Variants in SP4 observed in about 807,000 individuals in gnomAD.
The protein encoded by SP4 is Sp4 transcription factor.
Under a neutral mutation model 72.8 loss-of-function variants are expected in SP4, and 19 were observed. That is an observed-to-expected ratio of 0.26 (90% CI 0.18 to 0.38). SP4 has a LOEUF of 0.38. SP4 is among the 10% of genes least tolerant of loss of function. SP4 has a pLI of 1.00. For missense variants in SP4, 1,008 were observed against 926.3 expected, an observed-to-expected ratio of 1.09 and a Z score of -1.14; for synonymous variants, 395 against 333.1, an observed-to-expected ratio of 1.19 and a Z score of -2.02.
Position 21,488,542 on chromosome 7 carries a change from G to T in SP4, c.2107+6419G>T, listed in dbSNP as rs1023217079. 2.0e-5 allele frequency among the ~76,000 whole-genome samples: 3 copies of T among 148,058 alleles called. No homozygotes were observed. In the Admixed American group the frequency reaches 2.0e-4, roughly 10 times the overall value. ...TATGCCTTTACTATTATTTTAATGG[G>T]TGTCTCAGTGGGGAGAATAAACAAA... On this transcript the variant is annotated intron_variant, in intron 5 of 5. Transcript: ENST00000222584.
intron 3 of SP4, among the ~76,000 whole-genome samples, chr7:21,455,402 A>T (rs1336811466): frequency 6.6e-6 from 1 of 152,196 alleles, no homozygotes; most frequent in African/African-American, 2.4e-5. Flanking sequence ...TTGAGGATGC[A>T]TCCATGGGGC....
chr7:21,489,409 C>T (rs992907117), intron 5 of SP4, among the ~76,000 whole-genome samples: 1 of 151,946 alleles, frequency 6.6e-6, no homozygotes, highest in Non-Finnish European at 1.5e-5. Flanking sequence ...CAGCCTTGAC[C>T]TCCTGGGCTC....
intron 3 of SP4, among the ~76,000 whole-genome samples, chr7:21,439,637 C>G (rs1783171712): frequency 6.6e-6 from 1 of 151,910 alleles, no homozygotes; most frequent in Admixed American, 6.6e-5. Flanking sequence ...ATCCTGGAAT[C>G]TCAGTACTTT....
intron 5 of SP4, among the ~76,000 whole-genome samples, chr7:21,486,019 A>G (rs1318089586): frequency 2.0e-5 from 3 of 152,012 alleles, no homozygotes; most frequent in African/African-American, 7.2e-5. Context: ...GCTTGGGGAA[A>G]TAAATTTGTC....
At chr7:21,428,844 G>A in intron 2 of SP4, 52 bp downstream of exon 2, 1 of 1,356,766 alleles carries the variant, frequency 7.4e-7, no homozygotes, top group Non-Finnish European at 1.0e-6. Context: ...GGAGAGAGAG[G>A]GAGTTATGCC....
At chr7:21,459,605 T>A (rs1015429876) in intron 3 of SP4, among the ~76,000 whole-genome samples, 7 of 152,250 alleles carry the variant, frequency 4.6e-5, no homozygotes, top group Admixed American at 3.9e-4. Context: ...AAGAATCGTT[T>A]GATGATCACT....
intron 3 of SP4, among the ~76,000 whole-genome samples, chr7:21,439,795 G>T (rs1233390598): frequency 3.3e-5 from 5 of 152,150 alleles, no homozygotes; most frequent in Non-Finnish European, 5.9e-5. Flanking sequence ...CCACTCAGGT[G>T]GCTGAGGCAG....
At chr7:21,479,447 A>G (rs539788506) in intron 4 of SP4, among the ~76,000 whole-genome samples, 27 of 152,192 alleles carry the variant, frequency 1.8e-4, no homozygotes, top group Non-Finnish European at 3.4e-4. Flanking sequence ...ACCATAGAAC[A>G]TGGATTTATT....
intron 3 of SP4, chr7:21,471,032 G>A (rs1355977640): frequency 3.7e-6 from 2 of 534,300 alleles, no homozygotes; most frequent in Non-Finnish European, 7.7e-6. Flanking sequence ...GGTTTGGGGT[G>A]GGAGAATGTG....
intron 5 of SP4, among the ~76,000 whole-genome samples, chr7:21,490,435 GAACTAGA>G (rs1784945282): frequency 6.6e-6 from 1 of 152,162 alleles, no homozygotes; most frequent in South Asian, 2.1e-4. Flanking sequence ...CTGGCTAGGG[GAACTAGA>G]AAATAGAGTC....
chr7:21,482,132 A>T lies in SP4; in HGVS notation c.2107+9A>T, dbSNP rs921070730. 1 of 1,600,790 alleles carries T rather than the reference A, an allele frequency of 6.2e-7. No individual in the cohort carries two copies. Among genetic ancestry groups the T allele is most frequent in the Non-Finnish European group, 8.5e-7 (1 of 1,170,634 alleles). ...TAGAAGAACCCATACAGGTTAGTTG[A>T]TTTTAGGACTTGTACTTTTTACTTA... On this transcript the variant is annotated intron_variant, in intron 5 of 5. Coordinates refer to ENST00000222584, the MANE Select transcript of SP4 (RefSeq NM_003112.5).
In SP4 at chr7:21,428,141, C is replaced by T; in HGVS notation, c.-111C>T. On this transcript the variant is annotated 5_prime_UTR_variant, in exon 1 of 6. Transcript: ENST00000222584. Reference sequence around the variant, plus strand: ...GCAGAGCCTGTGCCAGCTACAGCCTCCTCCGAGCCACCGCGGGCGGGCGGG... The same window carrying T: ...GCAGAGCCTGTGCCAGCTACAGCCTTCTCCGAGCCACCGCGGGCGGGCGGG... The T allele has an allele frequency of 1.4e-6, 1 of 726,306 alleles. No homozygotes were observed. The highest frequency in any genetic ancestry group is 1.5e-5 in the South Asian group (1 of 67,656). 45.0% of individuals were successfully genotyped at this position (726,306 alleles called of 1,614,324 possible).
intron 3 of SP4, among the ~76,000 whole-genome samples, chr7:21,447,162 C>T (rs1272311966): frequency 6.6e-6 from 1 of 152,180 alleles, no homozygotes; most frequent in Non-Finnish European, 1.5e-5. Context: ...ACCAGCTGCC[C>T]TTTAAAGCCA....
intron 5 of SP4, among the ~76,000 whole-genome samples, chr7:21,489,771 G>A (rs1784924567): frequency 6.6e-6 from 1 of 151,948 alleles, no homozygotes; most frequent in Non-Finnish European, 1.5e-5. Context: ...GTGTTAGCCA[G>A]GATGATCTCA....
intron 3 of SP4, among the ~76,000 whole-genome samples, chr7:21,458,773 C>T (rs1783860072): frequency 6.6e-6 from 1 of 151,946 alleles, no homozygotes; most frequent in African/African-American, 2.4e-5. Context: ...TTAGGTGGCA[C>T]CCCCTTCCCG....
chr7:21,484,813 C>A (rs138081681), intron 5 of SP4, among the ~76,000 whole-genome samples: 53 of 151,950 alleles, frequency 3.5e-4, no homozygotes, highest in African/African-American at 1.2e-3. Flanking sequence ...AAGTCCCTCT[C>A]TCTTACACAT....
chr7:21,461,296 G>A (rs888834713), intron 3 of SP4, among the ~76,000 whole-genome samples: 6 of 152,024 alleles, frequency 3.9e-5, no homozygotes, highest in Non-Finnish European at 7.4e-5. Flanking sequence ...CACGGGGGTT[G>A]GGGGAGACTC....
At chr7:21,440,113 C>T (rs1783193479) in intron 3 of SP4, among the ~76,000 whole-genome samples, 1 of 152,160 alleles carries the variant, frequency 6.6e-6, no homozygotes. Flanking sequence ...CTTCGTAGAG[C>T]ACAACACTAA....
chr7:21,428,203 C>CCCCCAAA lies in SP4; in HGVS notation c.-49_-48insCCCCAAA. ...CTCCCGCCTCGCCCCCACCCCCACC[C>CCCCCAAA]ACCTCTATCCCAGTGTCTCCGTCTG... is the stretch of plus-strand genomic sequence containing the variant. On this transcript the variant is annotated 5_prime_UTR_variant, in exon 1 of 6. Transcript: ENST00000222584. The CCCCCAAA allele has an allele frequency of 3.3e-6, 4 of 1,216,700 alleles. No individual in the cohort carries two copies. Among genetic ancestry groups the CCCCCAAA allele is most frequent in the Non-Finnish European group, 4.7e-6 (4 of 854,954 alleles). 75.4% of individuals were successfully genotyped at this position (1,216,700 alleles called of 1,614,324 possible). A position where few individuals can be genotyped will look rare whatever the true frequency, so the allele number is the denominator to read the frequency against.
Sources: gnomAD v4.1 joint callset for allele counts (sites outside exome capture counted in the v4.1 genomes callset) on GRCh38, gnomAD v4.1.1 for gene constraint, MANE v1.5 for transcripts, NCBI Gene and HGNC (gene_info 2026-07-23, HGNC 2026-07-21) for gene names.